Variants in FBXO21 observed in about 807,000 individuals in gnomAD.
The protein encoded by FBXO21 is F-box only protein 21.
FBXO21 carries 32 observed loss-of-function variants against 76.6 expected under a neutral mutation model. The ratio of observed to expected loss-of-function variants is 0.42; its 90% CI spans 0.32 to 0.56. The LOEUF (loss-of-function observed/expected upper bound fraction) is 0.56, where lower values mean the gene tolerates loss of function less well. Ranked by LOEUF, FBXO21 falls within the 20% of genes least tolerant of loss-of-function variation. The pLI, the probability that FBXO21 is intolerant of heterozygous loss-of-function variation, is 0.16. For synonymous variants in FBXO21, 328 were observed against 311.5 expected, an observed-to-expected ratio of 1.05 and a Z score of -0.56; for missense variants, 586 against 797.3, an observed-to-expected ratio of 0.73 and a Z score of 3.19.
chr12:117,154,932 G>A (rs1955892784), intron 11 of FBXO21: 1 of 152,210 alleles, frequency 6.6e-6, no homozygotes, highest in African/African-American at 2.4e-5. Context: ...TGTTCTCTAA[G>A]TTAAAATCTC....
At chr12:117,146,469 G>A (rs1955771554) in intron 11 of FBXO21, among the ~76,000 whole-genome samples, 192 bp from the exon 12 acceptor site, 1 of 152,182 alleles carries the variant, frequency 6.6e-6, no homozygotes, top group Non-Finnish European at 1.5e-5. Flanking sequence ...GAAGGTGGGT[G>A]GTGGCACGGG....
chr12:117,173,443 G>A (rs978829525), intron 6 of FBXO21, among the ~76,000 whole-genome samples: 39 of 152,252 alleles, frequency 2.6e-4, no homozygotes, highest in Admixed American at 7.9e-4. Flanking sequence ...AAGTGTGTAC[G>A]ATATAACAAA....
chr12:117,166,456 ACT>A (rs1269671773), intron 8 of FBXO21, among the ~76,000 whole-genome samples: 2 of 152,004 alleles, frequency 1.3e-5, no homozygotes, highest in East Asian at 1.9e-4. Flanking sequence ...GGATATGGGA[ACT>A]CTCTGTACTT....
chr12:117,176,090 TA>T (rs1002968127), intron 4 of FBXO21, among the ~76,000 whole-genome samples: 5 of 152,226 alleles, frequency 3.3e-5, no homozygotes, highest in Non-Finnish European at 5.9e-5. Flanking sequence ...ATACACTTGA[TA>T]AACATTTACA....
intron 3 of FBXO21, among the ~76,000 whole-genome samples, chr12:117,184,461 A>G (rs1342394459): frequency 6.6e-6 from 1 of 152,218 alleles, no homozygotes; most frequent in African/African-American, 2.4e-5. Context: ...CATCTATAGG[A>G]AAATTATGTA....
rs542018453 is a variant in FBXO21 at position 117,171,029 on chromosome 12, T to C, written c.1013+1442A>G. On this transcript the variant is annotated intron_variant, in intron 7 of 11. Coordinates refer to ENST00000622495, the MANE Select transcript of FBXO21 (RefSeq NM_015002.3). The stretch of plus-strand genomic sequence containing the variant: ...CACAAGGGAAGCCTGTATGGGTATT[T>C]AAGGCAACACACAGAAGTAATGAAC... Among the ~76,000 whole-genome samples, 113 of 152,246 alleles carry C rather than the reference T, an allele frequency of 7.4e-4. No individual in the cohort carries two copies. In the South Asian group the frequency reaches 8.9e-3, roughly 12 times the overall value.
rs1335852815 is a variant in FBXO21, at chr12:117,144,970, C to T, written c.*1117G>A. The T allele has an allele frequency of 6.6e-6, 1 of 152,116 alleles. No homozygotes were observed. Among genetic ancestry groups the T allele is most frequent in the Non-Finnish European group, 1.5e-5 (1 of 67,976 alleles). 9.4% of individuals were successfully genotyped at this position (152,116 alleles called of 1,614,324 possible). A position where few individuals can be genotyped will look rare whatever the true frequency, so the allele number is the denominator to read the frequency against. On this transcript the variant is annotated 3_prime_UTR_variant, in exon 12 of 12. Transcript: ENST00000622495. Reference sequence around the variant, plus strand: ...AGTCCAACACTCTTCAAATGAAAGACATTCTCTCTCTTTCTAACCTGCCAC... The same window carrying T: ...AGTCCAACACTCTTCAAATGAAAGATATTCTCTCTCTTTCTAACCTGCCAC...
In FBXO21 at chr12:117,159,330, A is replaced by T. The variant is rs1021280907; in HGVS notation, c.1327-1267T>A. On this transcript the variant is annotated intron_variant, in intron 9 of 11. Transcript: ENST00000622495. The stretch of plus-strand genomic sequence containing the variant: ...AGGTGGAAAAAAAAAAAAAGCTTTT[A>T]ATCACTGCCACTTCCCGAACAGGAC... Among the ~76,000 whole-genome samples, 23 of 149,938 alleles carry T rather than the reference A, an allele frequency of 1.5e-4. 3 individuals are homozygous for T. The East Asian group carries it at 4.5e-3, about 30-fold the overall frequency.
intron 11 of FBXO21, among the ~76,000 whole-genome samples, chr12:117,151,577 A>T (rs1418283548): frequency 6.6e-6 from 1 of 152,260 alleles, no homozygotes; most frequent in South Asian, 2.1e-4. Context: ...ATAAAAACAC[A>T]TTAACCCAGA....
Position 117,157,913 on chromosome 12 carries a change from C to T in FBXO21, c.1477G>A (p.Asp493Asn). 6.2e-7 allele frequency: 1 copy of T among 1,613,672 alleles called. No homozygotes were observed. The highest frequency in any genetic ancestry group is 1.3e-5 in the African/African-American group (1 of 75,028). Residue 493 changes from aspartate (D) to asparagine (N), a missense_variant, in exon 10 of 12, where the codon GAT becomes AAT. Coordinates refer to ENST00000622495, the MANE Select transcript of FBXO21 (RefSeq NM_015002.3). ...ATGAGCCCGATGGAGTAGCAGACATCTCTGTGCTTCTCATCGGAGCGCAGC... is the reference window on the plus strand; with the variant it reads ...ATGAGCCCGATGGAGTAGCAGACATTTCTGTGCTTCTCATCGGAGCGCAGC... ...VKLRSDEKHRDVCYSIGLIMK... is the reference protein window; with the variant it reads ...VKLRSDEKHRNVCYSIGLIMK...
At chr12:117,156,896 G>GA (rs1955922359) in intron 10 of FBXO21, among the ~76,000 whole-genome samples, 1 of 152,222 alleles carries the variant, frequency 6.6e-6, no homozygotes, top group African/African-American at 2.4e-5. Context: ...AAAAATACAC[G>GA]AAATGGGCTG....
intron 3 of FBXO21, among the ~76,000 whole-genome samples, chr12:117,181,599 GTCTA>G (rs1555242788): frequency 0.046 from 6,686 of 145,568 alleles, 184 homozygotes; most frequent in South Asian, 0.066. Context: ...ATCTGAGACA[GTCTA>G]TCTATCTATC....
chr12:117,167,440 G>T (rs891148028), intron 7 of FBXO21, among the ~76,000 whole-genome samples: 1 of 152,198 alleles, frequency 6.6e-6, no homozygotes, highest in Non-Finnish European at 1.5e-5. Context: ...GGCCCTGGAT[G>T]ATCTGAAGAA....
intron 10 of FBXO21, among the ~76,000 whole-genome samples, chr12:117,156,521 G>A (rs1016035129): frequency 6.6e-6 from 1 of 152,214 alleles, no homozygotes; most frequent in African/African-American, 2.4e-5. Flanking sequence ...TGAAAAGACA[G>A]AGAAGGAGAG....
intron 11 of FBXO21, 106 bp from the exon 12 acceptor site, chr12:117,146,383 T>G: frequency 1.1e-6 from 1 of 900,988 alleles, no homozygotes; most frequent in Non-Finnish European, 1.7e-6. Context: ...ATTTTTGGGG[T>G]GGAGAAGGGA....
intron 11 of FBXO21, among the ~76,000 whole-genome samples, chr12:117,148,173 A>C (rs79121845): frequency 2.0e-5 from 3 of 151,908 alleles, no homozygotes; most frequent in Non-Finnish European, 4.4e-5. Context: ...TTCTTTTTAA[A>C]CATAAAACAG....
At chr12:117,189,162 T>A in intron 2 of FBXO21, 65 bp downstream of exon 2, 1 of 1,592,346 alleles carries the variant, frequency 6.3e-7, no homozygotes, top group East Asian at 2.2e-5. Context: ...GATGAGCTCA[T>A]GCCTGCAGAC....
At chr12:117,163,915 G>C (rs2135861756) in intron 9 of FBXO21, among the ~76,000 whole-genome samples, 1 of 152,144 alleles carries the variant, frequency 6.6e-6, no homozygotes, top group African/African-American at 2.4e-5. Flanking sequence ...CTGCACTCCA[G>C]CCTGGGCGAC....
chr12:117,183,379 C>T (rs1396419236), intron 3 of FBXO21, among the ~76,000 whole-genome samples: 1 of 152,100 alleles, frequency 6.6e-6, no homozygotes, highest in Non-Finnish European at 1.5e-5. Flanking sequence ...CCTGCCTCAG[C>T]CTCCCCAGTA....
Sources: gnomAD v4.1 joint callset for allele counts (sites outside exome capture counted in the v4.1 genomes callset) on GRCh38, gnomAD v4.1.1 for gene constraint, MANE v1.5 for transcripts, NCBI Gene and HGNC (gene_info 2026-07-23, HGNC 2026-07-21) for gene names.